The following PRKAG2 variants were observed in gnomAD, a reference collection of about 807,000 sequenced individuals.
The protein encoded by PRKAG2 is protein kinase AMP-activated non-catalytic subunit gamma 2, also known as 5'-AMP-activated protein kinase subunit gamma-2.
Under a neutral mutation model 69.6 loss-of-function variants are expected in PRKAG2, and 26 were observed. The ratio of observed to expected loss-of-function variants is 0.37; its 90% confidence interval spans 0.27 to 0.52. The LOEUF is 0.52. PRKAG2 is among the 20% of genes least tolerant of loss of function. PRKAG2 has a pLI of 0.90. For synonymous variants in PRKAG2, 293 were observed against 285.0 expected, an observed-to-expected ratio of 1.03 and a Z score of -0.28; for missense variants, 557 against 740.0, an observed-to-expected ratio of 0.75 and a Z score of 2.87.
At chr7:151,865,560 G>A (rs899889581) in intron 1 of PRKAG2, among the ~76,000 whole-genome samples, 15 of 152,360 alleles carry the variant, frequency 9.8e-5, no homozygotes, top group African/African-American at 3.6e-4. Context: ...CACACAACAG[G>A]CTGCGGTCAA....
chr7:151,711,289 AG>A (rs1338811996), intron 3 of PRKAG2, among the ~76,000 whole-genome samples: 9 of 151,294 alleles, frequency 5.9e-5, no homozygotes, highest in Admixed American at 2.6e-4. Flanking sequence ...ACTGAGTGCT[AG>A]GCTGAGAGTA....
chr7:151,840,386 CTCAT>C (rs1263067429), intron 1 of PRKAG2, among the ~76,000 whole-genome samples: 1 of 152,204 alleles, frequency 6.6e-6, no homozygotes, highest in Non-Finnish European at 1.5e-5. Context: ...CAGTTAGTTA[CTCAT>C]TCATTCATTT....
At chr7:151,591,565 T>A (rs1213409132) in intron 6 of PRKAG2, among the ~76,000 whole-genome samples, 1 of 152,120 alleles carries the variant, frequency 6.6e-6, no homozygotes, top group Admixed American at 6.5e-5. Context: ...AAGTTGTCAC[T>A]CCACACTCCA....
At chr7:151,709,099 T>G (rs1009097178) in intron 3 of PRKAG2, among the ~76,000 whole-genome samples, 13 of 151,844 alleles carry the variant, frequency 8.6e-5, no homozygotes, top group Non-Finnish European at 1.6e-4. Context: ...TGATATTGAG[T>G]GATATGACAT....
chr7:151,696,760 C>CTT (rs1248832674), intron 3 of PRKAG2, among the ~76,000 whole-genome samples: 28 of 152,160 alleles, frequency 1.8e-4, no homozygotes, highest in Non-Finnish European at 3.8e-4. Flanking sequence ...CAGATAAAAA[C>CTT]GATCACACCA....
intron 3 of PRKAG2, among the ~76,000 whole-genome samples, chr7:151,707,789 G>A (rs1563486387): frequency 6.6e-6 from 1 of 152,184 alleles, no homozygotes; most frequent in Non-Finnish European, 1.5e-5. Context: ...CTGGGCCTAC[G>A]TCAGTAGGGG....
intron 3 of PRKAG2, among the ~76,000 whole-genome samples, chr7:151,739,407 G>A (rs934578890): frequency 3.9e-5 from 6 of 152,000 alleles, no homozygotes; most frequent in African/African-American, 7.2e-5. Context: ...AATGTTGTAA[G>A]GTCAGGGAGT....
chr7:151,705,101 T>G (rs1253449796), intron 3 of PRKAG2, among the ~76,000 whole-genome samples: 6 of 152,200 alleles, frequency 3.9e-5, no homozygotes, highest in African/African-American at 1.4e-4. Flanking sequence ...TTAATGAGAA[T>G]TTTTCAACCT....
At chr7:151,573,039 G>C (rs1462856391) in intron 8 of PRKAG2, among the ~76,000 whole-genome samples, 2 of 152,008 alleles carry the variant, frequency 1.3e-5, no homozygotes, top group Non-Finnish European at 2.9e-5. Context: ...CTTGAACCCA[G>C]GAAGCAGAGG....
rs757187996 is a variant in PRKAG2, at chr7:151,788,836, G to C, written c.115-2295C>G. On this transcript the variant is annotated intron_variant, in intron 1 of 15. Coordinates refer to ENST00000287878, the MANE Select transcript of PRKAG2 (RefSeq NM_016203.4). The surrounding 1 kb of genome is among the most constrained non-coding windows in gnomAD (Gnocchi z 4.6). ...GTAAATTTTTGTATATGGTATAAACGTAAGGGTGCAATTTCATTCTTTTAC... is the reference window on the plus strand; with the variant it reads ...GTAAATTTTTGTATATGGTATAAACCTAAGGGTGCAATTTCATTCTTTTAC... 1.3e-5 allele frequency among the ~76,000 whole-genome samples: 2 copies of C among 152,122 alleles called. No individual in the cohort carries two copies. Among genetic ancestry groups the C allele is most frequent in the Non-Finnish European group, 2.9e-5 (2 of 68,030 alleles).
At chr7:151,775,771 A>AG (rs1423531313) in intron 3 of PRKAG2, among the ~76,000 whole-genome samples, 16 of 152,166 alleles carry the variant, frequency 1.1e-4, no homozygotes, top group Non-Finnish European at 1.5e-5. Flanking sequence ...TAATGAACGA[A>AG]GTCTTCATGA....
chr7:151,695,433 G>C (rs569527501), intron 3 of PRKAG2, among the ~76,000 whole-genome samples: 1 of 152,218 alleles, frequency 6.6e-6, no homozygotes, highest in South Asian at 2.1e-4. Flanking sequence ...CATGAGCCCA[G>C]CCAGAAGTAG....
Position 151,719,053 on chromosome 7 carries a change from A to G in PRKAG2, c.467-43416T>C, listed in dbSNP as rs1796621167. ...CCCACAAACATTCATTAAGCCCCTG[A>G]TAAGTACAAGGCCCCGAACTCAGGG... is the stretch of plus-strand genomic sequence containing the variant. On this transcript the variant is annotated intron_variant, in intron 3 of 15. Transcript: ENST00000287878. The surrounding 1 kb of genome is among the most constrained non-coding windows in gnomAD (Gnocchi z 5.2). Among the ~76,000 whole-genome samples the G allele has an allele frequency of 6.6e-6, 1 of 152,116 alleles. No individual in the cohort carries two copies. The highest frequency in any genetic ancestry group is 2.1e-4 in the South Asian group (1 of 4,788).
chr7:151,596,055 C>A (rs530881733), intron 5 of PRKAG2, among the ~76,000 whole-genome samples: 1 of 151,920 alleles, frequency 6.6e-6, no homozygotes, highest in Admixed American at 6.6e-5. Context: ...AAAAAAAAGA[C>A]CAGGAACAAG....
Position 151,781,354 on chromosome 7 carries a change from G to C in PRKAG2, c.264C>G (p.Pro88=). 6.2e-7 allele frequency: 1 copy of C among 1,613,752 alleles called. No individual in the cohort carries two copies. Among genetic ancestry groups the C allele is most frequent in the Non-Finnish European group, 8.5e-7 (1 of 1,179,900 alleles). ...TCTTGGGCCTCACAGGTGCAGACATGGGGCTGGAGGGCCGGGGCTGGGGGC... is the reference window on the plus strand; with the variant it reads ...TCTTGGGCCTCACAGGTGCAGACATCGGGCTGGAGGGCCGGGGCTGGGGGC... ...SRGPQPRPSS[P]MSAPVRPKTS... The change falls in exon 3 of 16, where the codon CCC becomes CCG. Residue 88 remains proline (P), a synonymous_variant. Transcript: ENST00000287878. This position sits in a 1 kb window ranked among gnomAD's most constrained non-coding sequence, Gnocchi z 6.1.
At chr7:151,559,029 T>A (rs1367520811) in intron 15 of PRKAG2, 6 of 985,336 alleles carry the variant, frequency 6.1e-6, no homozygotes, top group Non-Finnish European at 7.2e-6. Flanking sequence ...AAACGGGGCA[T>A]CTTTTTCTGA....
At chr7:151,802,348 C>T (rs542134882) in intron 1 of PRKAG2, among the ~76,000 whole-genome samples, 3 of 152,268 alleles carry the variant, frequency 2.0e-5, no homozygotes, top group Non-Finnish European at 2.9e-5. Context: ...GAGGCTGCCA[C>T]GTCTCAGGTC....
intron 3 of PRKAG2, among the ~76,000 whole-genome samples, chr7:151,744,520 C>T (rs1271284383): frequency 6.6e-6 from 1 of 152,252 alleles, no homozygotes; most frequent in Non-Finnish European, 1.5e-5. Flanking sequence ...GATCAAGCCC[C>T]TTGAAGCCCA....
intron 3 of PRKAG2, among the ~76,000 whole-genome samples, chr7:151,704,921 G>A (rs879135932): frequency 6.6e-6 from 1 of 152,138 alleles, no homozygotes; most frequent in African/African-American, 2.4e-5. Flanking sequence ...GACAGACCAC[G>A]TCCCCAAAAT....
Sources: allele counts gnomAD v4.1 joint callset (sites outside exome capture counted in the v4.1 genomes callset), GRCh38; gene constraint gnomAD v4.1.1; non-coding constraint Gnocchi (gnomAD v3.1); transcripts MANE v1.5; gene names NCBI Gene and HGNC (gene_info 2026-07-23, HGNC 2026-07-21).